KHDRBS2: variants seen among roughly 807,000 people sequenced by gnomAD.
KHDRBS2 encodes KH domain-containing, RNA-binding, signal transduction-associated protein 2.
KHDRBS2 carries 26 observed loss-of-function variants against 44.3 expected under a neutral mutation model. That is an observed-to-expected ratio of 0.59 (90% confidence interval 0.43 to 0.81). KHDRBS2 has a LOEUF of 0.81. Ranked by LOEUF, KHDRBS2 falls within the 40% of genes least tolerant of loss-of-function variation. KHDRBS2 has a pLI of 0.00. For synonymous variants in KHDRBS2, 194 were observed against 151.1 expected (o/e 1.28, Z -2.08); for missense variants, 476 against 433.1 (o/e 1.10, Z -0.88).
intron 4 of KHDRBS2, among the ~76,000 whole-genome samples, chr6:61,928,937 A>C (rs1390296892): frequency 6.6e-6 from 1 of 152,046 alleles, no homozygotes; most frequent in East Asian, 1.9e-4. Flanking sequence ...TTATTTTTTA[A>C]GACTAGTGGA....
At chr6:62,274,900 C>T (rs1162523559) in intron 1 of KHDRBS2, among the ~76,000 whole-genome samples, 3 of 151,782 alleles carry the variant, frequency 2.0e-5, no homozygotes, top group Non-Finnish European at 2.9e-5. Flanking sequence ...TCCCAATTAA[C>T]GTATGCTTAA....
chr6:62,066,670 A>T (rs1793803927), intron 2 of KHDRBS2, among the ~76,000 whole-genome samples: 1 of 151,678 alleles, frequency 6.6e-6, no homozygotes, highest in African/African-American at 2.4e-5. Flanking sequence ...ATAAGGACAA[A>T]TTAATCCATT....
rs138734714 is a variant in KHDRBS2, at chr6:61,915,395, A to C, written c.484-14024T>G. On this transcript the variant is annotated intron_variant, in intron 4 of 8. Transcript: ENST00000281156. ...ATAAGGAAAATAGGAAGGTGGTCAT[A>C]ATGACTCAACTAAGTATTTCTCAAG... Among the ~76,000 whole-genome samples, 826 of 152,138 alleles carry C rather than the reference A, an allele frequency of 5.4e-3. 9 individuals are homozygous for C. The highest frequency in any genetic ancestry group is 0.019 in the African/African-American group (780 of 41,532).
chr6:61,969,590 C>G (rs1294670640), intron 4 of KHDRBS2, among the ~76,000 whole-genome samples: 2 of 151,884 alleles, frequency 1.3e-5, no homozygotes, highest in Non-Finnish European at 2.9e-5. Flanking sequence ...GATTCTGAAA[C>G]CTATCCTGGC....
intron 1 of KHDRBS2, among the ~76,000 whole-genome samples, chr6:62,280,576 G>A (rs185043208): frequency 9.9e-5 from 15 of 152,236 alleles, no homozygotes; most frequent in South Asian, 6.2e-4. Flanking sequence ...AAGCCAAACC[G>A]AATAATTCTA....
chr6:61,596,863 G>A, the KHDRBS2 span, among the ~76,000 whole-genome samples: 1 of 152,044 alleles, frequency 6.6e-6, no homozygotes. Flanking sequence ...TGTTGGCCAG[G>A]ATGGTCTCAA....
At chr6:62,283,656 T>A (rs1363344580) in intron 1 of KHDRBS2, among the ~76,000 whole-genome samples, 1 of 152,264 alleles carries the variant, frequency 6.6e-6, no homozygotes, top group Middle Eastern at 3.4e-3. Context: ...ATCTCAACCA[T>A]ACTCTTCTAT....
intron 1 of KHDRBS2, among the ~76,000 whole-genome samples, chr6:62,190,698 G>C (rs58985768): frequency 0.01 from 1,558 of 152,026 alleles, 32 homozygotes; most frequent in African/African-American, 0.035. Context: ...ATCTCAAACT[G>C]TACTTTAAAA....
chr6:62,078,937 T>A (rs747523277), intron 2 of KHDRBS2, among the ~76,000 whole-genome samples: 5 of 152,054 alleles, frequency 3.3e-5, no homozygotes, highest in Non-Finnish European at 7.4e-5. Flanking sequence ...TTTTAAGCTA[T>A]TTCTACACAA....
the KHDRBS2 span, among the ~76,000 whole-genome samples, chr6:61,632,084 A>G: frequency 6.6e-6 from 1 of 152,150 alleles, no homozygotes; most frequent in South Asian, 2.1e-4. Flanking sequence ...TTTGTTTAAC[A>G]TTGCTTCTGC....
chr6:61,547,850 A>G, the KHDRBS2 span, among the ~76,000 whole-genome samples: 829 of 152,252 alleles, frequency 5.4e-3, 4 homozygotes, highest in Non-Finnish European at 6.7e-3. Context: ...CAAAAAGTCC[A>G]ATTTCTCTGT....
intron 6 of KHDRBS2, among the ~76,000 whole-genome samples, chr6:61,796,071 A>G (rs9445215): frequency 0.41 from 61,972 of 151,818 alleles, 14,856 homozygotes; most frequent in African/African-American, 0.68. Flanking sequence ...CATTTGTAAA[A>G]TGAAAATATG....
intron 4 of KHDRBS2, among the ~76,000 whole-genome samples, chr6:61,959,772 C>G (rs914796868): frequency 3.9e-5 from 6 of 152,126 alleles, no homozygotes; most frequent in African/African-American, 1.4e-4. Context: ...TCTGCATTCA[C>G]TGGCAGCCAT....
At chr6:61,601,549 G>A in the KHDRBS2 span, among the ~76,000 whole-genome samples, 6 of 151,944 alleles carry the variant, frequency 3.9e-5, no homozygotes, top group Non-Finnish European at 7.4e-5. Flanking sequence ...ATAGGCAAAC[G>A]GTCTGAGGTG....
the KHDRBS2 span, among the ~76,000 whole-genome samples, chr6:61,674,705 T>C: frequency 6.6e-6 from 1 of 151,742 alleles, no homozygotes; most frequent in South Asian, 2.1e-4. Flanking sequence ...TACATGATTT[T>C]TTTGCAGTAA....
At chr6:61,970,944 T>C (rs553452871) in intron 4 of KHDRBS2, among the ~76,000 whole-genome samples, 1 of 152,248 alleles carries the variant, frequency 6.6e-6, no homozygotes, top group African/African-American at 2.4e-5. Flanking sequence ...AAATGGCAAT[T>C]ATAAATTGGA....
the KHDRBS2 span, among the ~76,000 whole-genome samples, chr6:61,569,869 G>T: frequency 2.6e-5 from 4 of 152,258 alleles, no homozygotes; most frequent in South Asian, 8.3e-4. Flanking sequence ...ATCCCTAGGG[G>T]AAAGACGAGA....
intron 8 of KHDRBS2, among the ~76,000 whole-genome samples, chr6:61,687,780 C>G (rs2127540451): frequency 6.6e-6 from 1 of 151,930 alleles, no homozygotes; most frequent in Non-Finnish European, 1.5e-5. Flanking sequence ...TAATTGTGAA[C>G]TCAAGGAAGC....
At chr6:61,767,527 C>T (rs1780191219) in intron 6 of KHDRBS2, among the ~76,000 whole-genome samples, 1 of 151,668 alleles carries the variant, frequency 6.6e-6, no homozygotes, top group Non-Finnish European at 1.5e-5. Context: ...TCATCTTTTC[C>T]TCCCTCCCTT....
Sources: gnomAD v4.1 joint callset for allele counts (sites outside exome capture counted in the v4.1 genomes callset) on GRCh38, gnomAD v4.1.1 for gene constraint, MANE v1.5 for transcripts, NCBI Gene and HGNC (gene_info 2026-07-23, HGNC 2026-07-21) for gene names.